IRF6: variants seen among roughly 807,000 people sequenced by gnomAD.
IRF6 encodes the protein Van der Woude syndrome.
IRF6 carries 6 observed loss-of-function variants against 51.4 expected under a neutral mutation model. That is an observed-to-expected ratio of 0.12 (90% confidence interval 0.06 to 0.23). IRF6 has a LOEUF of 0.23. IRF6 is among the 10% of genes least tolerant of loss of function. The pLI, the probability that IRF6 is intolerant of heterozygous loss-of-function variation, is 1.00. For missense variants in IRF6, 348 were observed against 585.2 expected, an observed-to-expected ratio of 0.59 and a Z score of 4.18; for synonymous variants, 178 against 215.7, an observed-to-expected ratio of 0.83 and a Z score of 1.53.
Position 209,788,457 on chromosome 1 carries a change from G to C in IRF6, c.1367C>G (p.Pro456Arg). The C allele has an allele frequency of 6.2e-7, 1 of 1,613,956 alleles. No individual in the cohort carries two copies. Among genetic ancestry groups the C allele is most frequent in the Non-Finnish European group, 8.5e-7 (1 of 1,179,944 alleles). ...CAGGGCAGGGGGCAGTTGCATGCTG[G>C]GGGTGGGCTGCATGGGCTGCCAGCT... ...QESWQPMQPT[P>R]SMQLPPALPP... The change falls in exon 9 of 9, where the codon CCC (proline) becomes CGC (arginine). Residue 456 changes from proline to arginine, a missense_variant. Transcript: ENST00000367021.
At chr1:209,797,873 T>G (rs1571984224) in intron 3 of IRF6, among the ~76,000 whole-genome samples, 1 of 152,170 alleles carries the variant, frequency 6.6e-6, no homozygotes, top group East Asian at 1.9e-4. Flanking sequence ...TAGGTACCAT[T>G]AGCAGACAGC....
Position 209,786,747 on chromosome 1 carries a change from C to T in IRF6, c.*1673G>A, listed in dbSNP as rs1308081423. The T allele has an allele frequency of 7.2e-5, 11 of 152,050 alleles. No homozygotes were observed. The East Asian group carries it at 1.9e-3, about 27-fold the overall frequency. The allele number at this position is 152,050 out of a possible 1,614,324, so 9.4% of individuals were successfully genotyped here. ...CTAGGTCTCTTAGAAACTCTAAAAC[C>T]AAGGCTTAAGCACTTTAAATAAATA... On this transcript the variant is annotated 3_prime_UTR_variant, in exon 9 of 9. Coordinates refer to ENST00000367021, the MANE Select transcript of IRF6 (RefSeq NM_006147.4).
At chr1:209,795,207 GGT>G in intron 5 of IRF6, 81 bp downstream of exon 5, 1 of 1,484,496 alleles carries the variant, frequency 6.7e-7, no homozygotes, top group Non-Finnish European at 9.4e-7. Context: ...TCAGGGCAGT[GGT>G]GGCCAATGTA....
intron 1 of IRF6, among the ~76,000 whole-genome samples, chr1:209,803,100 T>C (rs940090206): frequency 5.9e-5 from 9 of 152,142 alleles, no homozygotes; most frequent in Non-Finnish European, 1.3e-4. Context: ...AATTACGGTG[T>C]TTTGTAGGGC....
chr1:209,798,968 C>G (rs1290285644), intron 3 of IRF6, among the ~76,000 whole-genome samples: 1 of 149,922 alleles, frequency 6.7e-6, no homozygotes, highest in East Asian at 2.0e-4. Context: ...AACCATGTGG[C>G]AATCATTGTG....
chr1:209,796,388 C>A lies in IRF6; in HGVS notation c.339G>T (p.Val113=), dbSNP rs756309507. Residue 113 remains valine, a synonymous_variant, in exon 4 of 9, where the codon GTG becomes GTT. Transcript: ENST00000367021. This position sits in a 1 kb window ranked among gnomAD's most constrained non-coding sequence, Gnocchi z 4.5. ...VPMNPVKIYQ[V]CDIPQPQGSI... is the part of the protein sequence containing the mutation. ...AGCCCTGGGGCTGAGGGATGTCACACACTTGATATATCTTCACTGGGTTCA... is the reference window on the plus strand; with the variant it reads ...AGCCCTGGGGCTGAGGGATGTCACAAACTTGATATATCTTCACTGGGTTCA... The A allele has an allele frequency of 6.2e-7, 1 of 1,614,182 alleles. No homozygotes were observed. Among genetic ancestry groups the A allele is most frequent in the Non-Finnish European group, 8.5e-7 (1 of 1,180,050 alleles).
intron 8 of IRF6, among the ~76,000 whole-genome samples, chr1:209,789,190 A>G (rs1161075044): frequency 2.0e-5 from 3 of 152,074 alleles, no homozygotes; most frequent in Non-Finnish European, 4.4e-5. Context: ...CAGGCATGGT[A>G]GCCTGTGCCT....
intron 1 of IRF6, among the ~76,000 whole-genome samples, chr1:209,802,675 G>T (rs1444823129): frequency 6.6e-6 from 1 of 152,112 alleles, no homozygotes; most frequent in Non-Finnish European, 1.5e-5. Context: ...GCCCCACAAT[G>T]GCCTGAGAAG....
intron 3 of IRF6, among the ~76,000 whole-genome samples, chr1:209,797,856 G>GA (rs2102544427): frequency 6.6e-6 from 1 of 152,230 alleles, no homozygotes; most frequent in Admixed American, 6.5e-5. Context: ...TTCTGATGCC[G>GA]AAAAAGTAGG....
At chr1:209,803,498 C>A (rs192333234) in intron 1 of IRF6, among the ~76,000 whole-genome samples, 264 of 152,292 alleles carry the variant, frequency 1.7e-3, no homozygotes, top group African/African-American at 6.1e-3. Context: ...GAGAAGCAGC[C>A]ACCCACAGAA....
At chr1:209,804,826 C>T (rs751317633) in intron 1 of IRF6, among the ~76,000 whole-genome samples, 8 of 152,162 alleles carry the variant, frequency 5.3e-5, no homozygotes, top group African/African-American at 7.2e-5. Flanking sequence ...ACACAAAAGC[C>T]GAGATTTGGC....
In IRF6 at chr1:209,796,628, GACACAA is replaced by G. The variant is rs1197328441; in HGVS notation, c.175-82_175-77del. ...AAGCATGTGCTTACCCTTTCTCATAGACACAAACACACACACACACACACACACACA... is the reference window on the plus strand; with the variant it reads ...AAGCATGTGCTTACCCTTTCTCATAGACACACACACACACACACACACACA... On this transcript the variant is annotated intron_variant, in intron 3 of 8. Coordinates refer to ENST00000367021, the MANE Select transcript of IRF6 (RefSeq NM_006147.4). This position sits in a 1 kb window ranked among gnomAD's most constrained non-coding sequence, Gnocchi z 4.5. The G allele has an allele frequency of 2.7e-6, 2 of 747,666 alleles. No homozygotes were observed. The allele number at this position is 747,666 out of a possible 1,614,324, so 46.3% of individuals were successfully genotyped here.
intron 1 of IRF6, among the ~76,000 whole-genome samples, chr1:209,804,445 T>C (rs893457622): frequency 1.1e-4 from 16 of 152,060 alleles, no homozygotes; most frequent in African/African-American, 3.6e-4. Context: ...AATAAAGTGA[T>C]TGAGGTGGAG....
intron 5 of IRF6, among the ~76,000 whole-genome samples, chr1:209,794,011 T>C (rs2077885806): frequency 6.6e-6 from 1 of 152,248 alleles, no homozygotes; most frequent in Non-Finnish European, 1.5e-5. Flanking sequence ...TTTGCTATTG[T>C]GAATAAGTAC....
rs371428276 is a variant in IRF6 at position 209,796,555 on chromosome 1, G to A, written c.175-3C>T. The A allele has an allele frequency of 1.2e-6, 2 of 1,611,948 alleles. No individual in the cohort carries two copies. Among genetic ancestry groups the A allele is most frequent in the African/African-American group, 2.7e-5 (2 of 74,772 alleles). On this transcript the variant is annotated splice_polypyrimidine_tract_variant and splice_region_variant and intron_variant, in intron 3 of 8. Transcript: ENST00000367021. This position sits in a 1 kb window ranked among gnomAD's most constrained non-coding sequence, Gnocchi z 4.5. ...TTCCCTGTCTCTACAGCCCAGGCCT[G>A]AGAACAAGAAACCACAGTGAGTCCT...
chr1:209,801,841 A>C, intron 2 of IRF6, 131 bp downstream of exon 2: 1 of 155,954 alleles, frequency 6.4e-6, no homozygotes. Context: ...ATAAGTGAGA[A>C]GGTGACACAT....
chr1:209,795,232 A>C (rs1000764540), intron 5 of IRF6, 58 bp downstream of exon 5: 6 of 1,593,960 alleles, frequency 3.8e-6, no homozygotes, highest in Non-Finnish European at 4.3e-6. Flanking sequence ...GACAGTCCCA[A>C]GGTCAAAACT....
chr1:209,801,499 T>A, intron 2 of IRF6, 83 bp from the exon 3 acceptor site: 1 of 1,067,244 alleles, frequency 9.4e-7, no homozygotes, highest in Non-Finnish European at 1.4e-6. Context: ...CTTTCCCATC[T>A]ACTAGAGCTA....
Position 209,796,633 on chromosome 1 carries a change from A to G in IRF6, c.175-81T>C, listed in dbSNP as rs566768626. The stretch of plus-strand genomic sequence containing the variant: ...TGTGCTTACCCTTTCTCATAGACAC[A>G]AACACACACACACACACACACACAC... On this transcript the variant is annotated intron_variant, in intron 3 of 8. Coordinates refer to ENST00000367021, the MANE Select transcript of IRF6 (RefSeq NM_006147.4). The surrounding 1 kb of genome is among the most constrained non-coding windows in gnomAD (Gnocchi z 4.5). 1.2e-4 allele frequency: 98 copies of G among 827,102 alleles called. 1 individual carries two copies. The South Asian group carries it at 1.4e-3, about 12-fold the overall frequency. The allele number at this position is 827,102 out of a possible 1,614,324, so 51.2% of individuals were successfully genotyped here.
Sources: allele counts gnomAD v4.1 joint callset (sites outside exome capture counted in the v4.1 genomes callset), GRCh38; gene constraint gnomAD v4.1.1; non-coding constraint Gnocchi (gnomAD v3.1); transcripts MANE v1.5; gene names NCBI Gene and HGNC (gene_info 2026-07-23, HGNC 2026-07-21).